PCLO: variants seen among roughly 807,000 people sequenced by gnomAD.
PCLO encodes the protein protein piccolo.
Under a neutral mutation model 427.5 loss-of-function variants are expected in PCLO, and 82 were observed. That is an observed-to-expected ratio of 0.19 (90% CI 0.16 to 0.23). PCLO has a LOEUF of 0.23. Among genes scored for constraint, PCLO ranks in the 10% least tolerant of loss-of-function variants. The probability of loss-of-function intolerance (pLI) is 1.00; values close to 1 mark genes in which losing one functional copy is unlikely to be tolerated. For synonymous variants in PCLO, 2,357 were observed against 2,155.4 expected (o/e 1.09, Z -2.59); for missense variants, 6,239 against 6,115.9 (o/e 1.02, Z -0.67).
chr7:82,781,470 C>G (rs1056537518), intron 22 of PCLO, among the ~76,000 whole-genome samples: 1 of 149,062 alleles, frequency 6.7e-6, no homozygotes, highest in African/African-American at 2.5e-5. Context: ...CCCAACAGGC[C>G]CTGATGTGTG....
At chr7:82,858,254 CA>C (rs1792858522) in intron 10 of PCLO, among the ~76,000 whole-genome samples, 1 of 152,052 alleles carries the variant, frequency 6.6e-6, no homozygotes, top group Non-Finnish European at 1.5e-5. Flanking sequence ...AAGCATTTGA[CA>C]AAATTCAACA....
intron 3 of PCLO, among the ~76,000 whole-genome samples, chr7:83,110,171 T>G (rs1790967212): frequency 6.6e-6 from 1 of 151,530 alleles, no homozygotes; most frequent in Non-Finnish European, 1.5e-5. Context: ...AATGTAGGCC[T>G]TTACAGTGTT....
chr7:83,136,390 A>T (rs1285713388), intron 2 of PCLO, among the ~76,000 whole-genome samples: 1 of 152,154 alleles, frequency 6.6e-6, no homozygotes, highest in Non-Finnish European at 1.5e-5. Flanking sequence ...ATCATAAATC[A>T]GTTATGAGAG....
chr7:82,832,842 C>T (rs965972932), intron 16 of PCLO, among the ~76,000 whole-genome samples: 1 of 145,110 alleles, frequency 6.9e-6, no homozygotes, highest in African/African-American at 2.5e-5. Context: ...CACACACACA[C>T]ACGTTTTTCA....
intron 6 of PCLO, among the ~76,000 whole-genome samples, chr7:82,929,591 T>G (rs1001342132): frequency 4.6e-5 from 7 of 152,144 alleles, no homozygotes; most frequent in Admixed American, 6.6e-5. Context: ...TTTAAAGATT[T>G]GGGGGAAGTA....
intron 20 of PCLO, among the ~76,000 whole-genome samples, chr7:82,813,681 G>C (rs1283878899): frequency 1.3e-5 from 2 of 151,706 alleles, no homozygotes; most frequent in Non-Finnish European, 3.0e-5. Flanking sequence ...CCAACACCTT[G>C]AAGAGGTTCT....
chr7:83,093,701 G>C lies in PCLO; in HGVS notation c.3300+40549C>G, dbSNP rs1304564533. On this transcript the variant is annotated intron_variant, in intron 3 of 24. Coordinates refer to ENST00000333891, the MANE Select transcript of PCLO (RefSeq NM_033026.6). ...GTAGAGACGGGGTTTCACCGTGTTAGCCAGGATGGTCTCGATCTCCTGACC... is the reference window on the plus strand; with the variant it reads ...GTAGAGACGGGGTTTCACCGTGTTACCCAGGATGGTCTCGATCTCCTGACC... Among the ~76,000 whole-genome samples the C allele has an allele frequency of 6.8e-5, 10 of 147,736 alleles. No individual in the cohort carries two copies. The East Asian group carries it at 2.0e-3, about 29-fold the overall frequency.
Position 83,134,364 on chromosome 7 carries a change from G to C in PCLO, c.3186C>G (p.Cys1062Trp). 1 of 1,613,422 alleles carries C rather than the reference G, an allele frequency of 6.2e-7. No homozygotes were observed. Among genetic ancestry groups the C allele is most frequent in the Non-Finnish European group, 8.5e-7 (1 of 1,179,640 alleles). The change falls in exon 3 of 25, where the codon TGC becomes TGG. Residue 1062 changes from cysteine to tryptophan, a missense_variant. Physicochemically the swap from Cys to Trp is radical, Grantham distance 215. Transcript: ENST00000333891. ...TAGAACCTATGTTGAGTTCAGTTTT[G>C]CAGAGAGGACAGGTTGATTCTGGTT... ...SPKPESTCPLCKTELNIGSKD... is the reference protein window; with the variant it reads ...SPKPESTCPLWKTELNIGSKD...
intron 3 of PCLO, among the ~76,000 whole-genome samples, chr7:83,031,720 C>G (rs893153691): frequency 3.1e-4 from 47 of 151,476 alleles, no homozygotes; most frequent in Non-Finnish European, 5.9e-4. Context: ...TAATCTCTCT[C>G]TCTCTCTCTC....
At chr7:82,963,070 T>C (rs1346999522) in intron 4 of PCLO, among the ~76,000 whole-genome samples, 1 of 151,982 alleles carries the variant, frequency 6.6e-6, no homozygotes, top group Non-Finnish European at 1.5e-5. Context: ...AAATAAACAC[T>C]AGTTGTCAGC....
At chr7:82,911,606 T>C (rs1233224217) in intron 7 of PCLO, among the ~76,000 whole-genome samples, 1 of 152,072 alleles carries the variant, frequency 6.6e-6, no homozygotes, top group Non-Finnish European at 1.5e-5. Context: ...AGACAGTATA[T>C]ACTGGAGGAC....
chr7:83,081,905 G>A (rs1435298079), intron 3 of PCLO, among the ~76,000 whole-genome samples: 2 of 151,544 alleles, frequency 1.3e-5, no homozygotes, highest in Admixed American at 1.3e-4. Context: ...AATATTTGAT[G>A]ATTGTAAATG....
intron 6 of PCLO, among the ~76,000 whole-genome samples, chr7:82,931,705 A>T (rs1378225056): frequency 6.6e-6 from 1 of 152,096 alleles, no homozygotes; most frequent in Non-Finnish European, 1.5e-5. Flanking sequence ...TGCAAGCAAG[A>T]TGGCAAGAAA....
At chr7:83,053,899 T>C (rs1282059246) in intron 3 of PCLO, among the ~76,000 whole-genome samples, 4 of 151,926 alleles carry the variant, frequency 2.6e-5, no homozygotes, top group Non-Finnish European at 5.9e-5. Context: ...TTCAGAGATG[T>C]TGAAATGTGG....
intron 17 of PCLO, among the ~76,000 whole-genome samples, chr7:82,827,086 G>A (rs138156252): frequency 1.7e-3 from 251 of 152,078 alleles, no homozygotes; most frequent in African/African-American, 5.6e-3. Context: ...CTGCAGGTGA[G>A]TTTATTTTAA....
chr7:82,864,066 C>T (rs1158492244), intron 10 of PCLO, among the ~76,000 whole-genome samples: 1 of 152,024 alleles, frequency 6.6e-6, no homozygotes, highest in Non-Finnish European at 1.5e-5. Flanking sequence ...GCCAGGTCTC[C>T]TCATTCCTCA....
intron 10 of PCLO, among the ~76,000 whole-genome samples, chr7:82,872,993 C>T (rs961860721): frequency 6.6e-5 from 10 of 151,856 alleles, no homozygotes; most frequent in Non-Finnish European, 1.2e-4. Context: ...AAGTATAACC[C>T]GAATTAAGTC....
intron 3 of PCLO, among the ~76,000 whole-genome samples, chr7:82,971,863 T>C (rs1795915214): frequency 6.6e-6 from 1 of 151,410 alleles, no homozygotes; most frequent in Non-Finnish European, 1.5e-5. Flanking sequence ...ATCATCCTTG[T>C]GGATGCTTTA....
chr7:82,832,958 T>A (rs936639229), intron 16 of PCLO, among the ~76,000 whole-genome samples: 1 of 152,136 alleles, frequency 6.6e-6, no homozygotes, highest in African/African-American at 2.4e-5. Flanking sequence ...TTGTCTATCA[T>A]TTTATTTTCC....
Sources: allele counts gnomAD v4.1 joint callset (sites outside exome capture counted in the v4.1 genomes callset), GRCh38; gene constraint gnomAD v4.1.1; transcripts MANE v1.5; gene names NCBI Gene and HGNC (gene_info 2026-07-23, HGNC 2026-07-21).